The following LRRIQ1 variants were observed in gnomAD, a reference collection of about 807,000 sequenced individuals.
LRRIQ1 encodes leucine-rich repeat- and IQ domain-containing protein 1.
Under a neutral mutation model 211.9 loss-of-function variants are expected in LRRIQ1, and 210 were observed. That is an observed-to-expected ratio of 0.99 (90% CI 0.89 to 1.11). The LOEUF (loss-of-function observed/expected upper bound fraction) is 1.11. LRRIQ1 is among the 50% of genes most tolerant of loss of function. The pLI is 0.00. For synonymous variants in LRRIQ1, 699 were observed against 650.1 expected, an observed-to-expected ratio of 1.08 and a Z score of -1.14; for missense variants, 2,136 against 1,939.5, an observed-to-expected ratio of 1.10 and a Z score of -1.90.
chr12:85,153,793 A>C, intron 22 of LRRIQ1, 35 bp downstream of exon 22: 1 of 1,291,192 alleles, frequency 7.7e-7, no homozygotes. Flanking sequence ...AAATTAAAAA[A>C]TTGAGAGATT....
chr12:85,233,578 G>C (rs1446928967), intron 26 of LRRIQ1, among the ~76,000 whole-genome samples: 1 of 152,154 alleles, frequency 6.6e-6, no homozygotes, highest in African/African-American at 2.4e-5. Flanking sequence ...TGAATGAAAT[G>C]AGTATTATGA....
chr12:85,252,231 T>C (rs539845052), intron 1 of LRRIQ1, among the ~76,000 whole-genome samples: 62 of 152,016 alleles, frequency 4.1e-4, no homozygotes, highest in African/African-American at 1.4e-3. Context: ...ATTTAGTAGT[T>C]GATTTTTAAT....
chr12:85,047,585 T>A (rs1592695174), intron 6 of LRRIQ1, 115 bp downstream of exon 6: 2 of 791,866 alleles, frequency 2.5e-6, no homozygotes, highest in East Asian at 5.2e-5. Flanking sequence ...AATTACTCTC[T>A]GATAGAGGAA....
At chr12:85,073,562 C>T (rs1044591770) in intron 11 of LRRIQ1, among the ~76,000 whole-genome samples, 2 of 151,998 alleles carry the variant, frequency 1.3e-5, no homozygotes, top group African/African-American at 2.4e-5. Context: ...TTTTCATTGC[C>T]AGCAGTGCTG....
chr12:85,175,772 C>T (rs1288709612), intron 24 of LRRIQ1, among the ~76,000 whole-genome samples: 1 of 152,112 alleles, frequency 6.6e-6, no homozygotes. Flanking sequence ...AATCCTTTCC[C>T]CATTGCTTGT....
chr12:85,192,229 C>T (rs937244079), intron 24 of LRRIQ1, among the ~76,000 whole-genome samples: 6 of 150,790 alleles, frequency 4.0e-5, no homozygotes, highest in Non-Finnish European at 8.8e-5. Context: ...CGATGTATAG[C>T]TGCCACTTAT....
intron 17 of LRRIQ1, 30 bp from the exon 18 acceptor site, chr12:85,127,802 A>C (rs767317868): frequency 1.9e-6 from 3 of 1,585,796 alleles, no homozygotes; most frequent in Non-Finnish European, 2.6e-6. Flanking sequence ...TAATAAAAAA[A>C]GTGTGTGTTT....
At chr12:85,172,656 A>T (rs1565883345) in intron 24 of LRRIQ1, among the ~76,000 whole-genome samples, 1 of 152,204 alleles carries the variant, frequency 6.6e-6, no homozygotes, top group African/African-American at 2.4e-5. Context: ...AAGGGGCAAC[A>T]GCAATAGAAC....
chr12:85,078,166 CA>C (rs1883874549), intron 11 of LRRIQ1, among the ~76,000 whole-genome samples: 1 of 152,006 alleles, frequency 6.6e-6, no homozygotes, highest in South Asian at 2.1e-4. Context: ...ATGTTTGACT[CA>C]AAATTCAGCC....
At chr12:85,122,445 C>T (rs1232178773) in intron 16 of LRRIQ1, among the ~76,000 whole-genome samples, 1 of 152,070 alleles carries the variant, frequency 6.6e-6, no homozygotes, top group Non-Finnish European at 1.5e-5. Flanking sequence ...CTATTCCCCA[C>T]CTCGAATTCT....
chr12:85,056,371 A>G lies in LRRIQ1; in HGVS notation c.1578A>G (p.Pro526=), dbSNP rs1188279056. Residue 526 remains proline (P), a synonymous_variant, in exon 8 of 27, where the codon CCA becomes CCG. Transcript: ENST00000393217. ...DLKGNLKEQF[P]LQELKSDAQK... ...AAGGAAATCTGAAAGAACAGTTTCCATTGCAAGAATTAAAGTCTGATGCAC... is the reference window on the plus strand; with the variant it reads ...AAGGAAATCTGAAAGAACAGTTTCCGTTGCAAGAATTAAAGTCTGATGCAC... The G allele has an allele frequency of 6.3e-7, 1 of 1,591,928 alleles. No individual in the cohort carries two copies.
At chr12:85,192,890 A>C (rs1222693367) in intron 24 of LRRIQ1, among the ~76,000 whole-genome samples, 1 of 99,714 alleles carries the variant, frequency 1.0e-5, no homozygotes, top group East Asian at 3.0e-4. Context: ...ATAAATATAT[A>C]GTTATATACT....
chr12:85,174,185 G>A (rs76511457), intron 24 of LRRIQ1, among the ~76,000 whole-genome samples: 1 of 151,704 alleles, frequency 6.6e-6, no homozygotes, highest in Non-Finnish European at 1.5e-5. Flanking sequence ...CATAAAAAAG[G>A]GTATGCCCAT....
At chr12:85,139,842 T>C (rs945819437) in intron 19 of LRRIQ1, among the ~76,000 whole-genome samples, 3 of 151,406 alleles carry the variant, frequency 2.0e-5, no homozygotes, top group Non-Finnish European at 3.0e-5. Flanking sequence ...ATTAGCACGT[T>C]TCTAGAAATG....
At position 85,066,910 on chromosome 12, in the gene LRRIQ1, GA is replaced by G. The variant is rs1565803539; in HGVS notation, c.2695+15del. 1 of 1,352,138 alleles carries G rather than the reference GA, an allele frequency of 7.4e-7. No homozygotes were observed. Among genetic ancestry groups the G allele is most frequent in the Non-Finnish European group, 1.0e-6 (1 of 999,050 alleles). The allele number at this position is 1,352,138 out of a possible 1,614,324, so 83.8% of individuals were successfully genotyped here. Reference sequence around the variant, plus strand: ...AATTACTCGAATTGGTAAGAACAATGAAATTTTAATATTTAAAGATATATTT... The same window carrying G: ...AATTACTCGAATTGGTAAGAACAATGAATTTTAATATTTAAAGATATATTT... On this transcript the variant is annotated intron_variant, in intron 10 of 26. Transcript: ENST00000393217.
chr12:85,084,934 A>T (rs1228761274), intron 11 of LRRIQ1, among the ~76,000 whole-genome samples: 2 of 152,138 alleles, frequency 1.3e-5, no homozygotes, highest in Non-Finnish European at 2.9e-5. Flanking sequence ...TCAAAAAAAA[A>T]AAAAAGAAGT....
chr12:85,047,303 T>C lies in LRRIQ1; in HGVS notation c.511T>C (p.Phe171Leu), dbSNP rs532530548. Residue 171 changes from phenylalanine (F) to leucine (L), a missense_variant, in exon 6 of 27, where the codon TTT becomes CTT. Transcript: ENST00000393217. ...AGTGGAAGAAAAATGTAGACAGTCT[T>C]TTGAGGCTTGGCAAGAGAAACAGAA... is the stretch of plus-strand genomic sequence containing the variant. ...CEVEEKCRQS[F>L]EAWQEKQKEL... The C allele has an allele frequency of 3.0e-4, 478 of 1,612,060 alleles. 6 individuals are homozygous for C. The South Asian group carries it at 4.9e-3, about 17-fold the overall frequency.
intron 24 of LRRIQ1, among the ~76,000 whole-genome samples, chr12:85,195,136 C>T (rs1002504219): frequency 1.3e-5 from 2 of 152,062 alleles, no homozygotes; most frequent in African/African-American, 4.8e-5. Flanking sequence ...GAAGTTGAAT[C>T]TCTGAATAGA....
the LRRIQ1 span, among the ~76,000 whole-genome samples, chr12:85,270,881 A>G: frequency 6.6e-6 from 1 of 152,168 alleles, no homozygotes; most frequent in Admixed American, 6.5e-5. Context: ...GTCTGAAAGT[A>G]GTCTCTACAT....
Sources: gnomAD v4.1 joint callset for allele counts (sites outside exome capture counted in the v4.1 genomes callset) on GRCh38, gnomAD v4.1.1 for gene constraint, MANE v1.5 for transcripts, NCBI Gene and HGNC (gene_info 2026-07-23, HGNC 2026-07-21) for gene names.